Variants in ZNF665 observed in about 807,000 individuals in gnomAD.
ZNF665 encodes the protein zinc finger protein 665.
A neutral mutation model predicts 7.9 loss-of-function variants in ZNF665; 6 were observed. That is an observed-to-expected ratio of 0.76 (90% CI 0.42 to 1.50). The LOEUF (loss-of-function observed/expected upper bound fraction) is 1.50. Among genes scored for constraint, ZNF665 ranks in the 40% most tolerant of loss-of-function variants. The pLI, the probability that ZNF665 is intolerant of heterozygous loss-of-function variation, is 0.01. For missense variants in ZNF665, 819 were observed against 806.7 expected (o/e 1.02, Z -0.18); for synonymous variants, 242 against 274.5 (o/e 0.88, Z 1.17).
At position 53,164,133 on chromosome 19, in the gene ZNF665, C is replaced by CTTTTTTTT. The variant is rs35735454; in HGVS notation, c.*312_*319dup. On this transcript the variant is annotated 3_prime_UTR_variant, in exon 4 of 4. Transcript: ENST00000396424. ...CTGGCCGCACTCCTTTGTAAGGTTA[C>CTTTTTTTT]TTTTTTTTTTTTTTTTTTTTTGGAG... The CTTTTTTTT allele has an allele frequency of 1.9e-5, 2 of 104,642 alleles. No individual in the cohort carries two copies. The highest frequency in any genetic ancestry group is 3.3e-5 in the African/African-American group (1 of 30,354). The allele number at this position is 104,642 out of a possible 1,614,324, so 6.5% of individuals were successfully genotyped here. A position where few individuals can be genotyped will look rare whatever the true frequency, so the allele number is the denominator to read the frequency against.
chr19:53,183,170 C>G (rs1329808818), intron 1 of ZNF665, among the ~76,000 whole-genome samples: 1 of 152,080 alleles, frequency 6.6e-6, no homozygotes, highest in Non-Finnish European at 1.5e-5. Context: ...TCTTTAGAAC[C>G]CACTCCCCTC....
At chr19:53,170,700 C>T (rs748642968) in intron 3 of ZNF665, among the ~76,000 whole-genome samples, 1 of 152,158 alleles carries the variant, frequency 6.6e-6, no homozygotes, top group African/African-American at 2.4e-5. Flanking sequence ...TTTCATAACT[C>T]GACTATTGTG....
intron 1 of ZNF665, among the ~76,000 whole-genome samples, chr19:53,192,335 G>T (rs112158189): frequency 6.6e-6 from 1 of 151,736 alleles, no homozygotes; most frequent in Middle Eastern, 3.2e-3. Flanking sequence ...CTTGTCACCA[G>T]CTGCCCCTTC....
At position 53,166,235 on chromosome 19, in the gene ZNF665, G is replaced by A. The variant is rs748556331; in HGVS notation, c.255C>T (p.Gly85=). The A allele has an allele frequency of 1.9e-6, 3 of 1,613,952 alleles. No individual in the cohort carries two copies. The Admixed American group carries it at 5.0e-5, about 27-fold the overall frequency. ...TTTTCTGAACTTCCTGGAAGGACAA[G>A]CCTACAGTGTCACAGCTTTCAAGTC... The part of the protein sequence containing the change: ...LERLESCDTV[G]LSFQEVQKNT... Residue 85 remains glycine, a synonymous_variant, in exon 4 of 4, where the codon GGC becomes GGT. Coordinates refer to ENST00000396424, the MANE Select transcript of ZNF665 (RefSeq NM_024733.5).
At chr19:53,191,471 CAT>C (rs111383318) in intron 1 of ZNF665, among the ~76,000 whole-genome samples, 17 of 152,302 alleles carry the variant, frequency 1.1e-4, no homozygotes, top group South Asian at 4.1e-4. Flanking sequence ...ATAAAATGCA[CAT>C]GTCTTATAGA....
intron 2 of ZNF665, among the ~76,000 whole-genome samples, chr19:53,176,219 T>C (rs1444577393): frequency 1.3e-5 from 2 of 152,050 alleles, no homozygotes; most frequent in Non-Finnish European, 2.9e-5. Flanking sequence ...ACTTCCAGGC[T>C]CAATCTCCAA....
chr19:53,178,293 A>G (rs888597769), intron 2 of ZNF665, among the ~76,000 whole-genome samples: 1 of 152,222 alleles, frequency 6.6e-6, no homozygotes, highest in African/African-American at 2.4e-5. Context: ...CTCACGTTCT[A>G]CTGTGAATGA....
Position 53,165,550 on chromosome 19 carries a change from C to T in ZNF665, c.940G>A (p.Gly314Arg). The change falls in exon 4 of 4, where the codon GGG (glycine) becomes AGG (arginine). Residue 314 changes from glycine (G) to arginine (R), a missense_variant. By Grantham distance (125) the Gly-to-Arg change is moderately radical (BLOSUM62 -2). Transcript: ENST00000396424. The stretch of plus-strand genomic sequence containing the variant: ...TCATTACACTTGTAAGGCTTCTCCC[C>T]AGTATGAATTCTTCGATGACTTGCA... ...HLASHRRIHT[G>R]EKPYKCNECG... 1 of 1,614,130 alleles carries T rather than the reference C, an allele frequency of 6.2e-7. No homozygotes were observed. Among genetic ancestry groups the T allele is most frequent in the Non-Finnish European group, 8.5e-7 (1 of 1,180,030 alleles).
At position 53,164,934 on chromosome 19, in the gene ZNF665, C is replaced by T. The variant is rs1273934431; in HGVS notation, c.1556G>A (p.Cys519Tyr). The T allele has an allele frequency of 1.9e-6, 3 of 1,614,080 alleles. No homozygotes were observed. In the African/African-American group the frequency reaches 4.0e-5, roughly 22 times the overall value. Residue 519 changes from cysteine to tyrosine, a missense_variant, in exon 4 of 4, where the codon TGT becomes TAT. By Grantham distance (194) the Cys-to-Tyr change is radical (BLOSUM62 -2). Transcript: ENST00000396424. ...TGAATGAACACTAAAGGCTTTGCCA[C>T]ACTCATTACACTTGTAAGGTTTTTC... ...TGEKPYKCNE[C>Y]GKAFSVHSSL...
chr19:53,175,359 A>G, intron 3 of ZNF665, 86 bp downstream of exon 3: 1 of 1,517,210 alleles, frequency 6.6e-7, no homozygotes, highest in Non-Finnish European at 8.9e-7. Flanking sequence ...TCATCAAGCA[A>G]TGCAGGGGCT....
chr19:53,179,050 G>C (rs530675735), intron 2 of ZNF665, among the ~76,000 whole-genome samples: 32 of 152,248 alleles, frequency 2.1e-4, no homozygotes, highest in African/African-American at 7.2e-4. Context: ...AATTTGGGTA[G>C]AATCAAAAGA....
chr19:53,184,037 C>T (rs2090758373), intron 1 of ZNF665, among the ~76,000 whole-genome samples: 1 of 152,018 alleles, frequency 6.6e-6, no homozygotes, highest in South Asian at 2.1e-4. Context: ...ACTGCTTGAG[C>T]TCAGGAGTTT....
chr19:53,176,110 G>A (rs137993447), intron 2 of ZNF665, among the ~76,000 whole-genome samples: 2,176 of 152,196 alleles, frequency 0.014, 53 homozygotes, highest in African/African-American at 0.05. Flanking sequence ...GCAGTGAGCC[G>A]AGATCACAGC....
At chr19:53,167,248 G>A (rs1178868938) in intron 3 of ZNF665, among the ~76,000 whole-genome samples, 4 of 152,064 alleles carry the variant, frequency 2.6e-5, no homozygotes, top group Admixed American at 6.6e-5. Flanking sequence ...TGATCCCCCC[G>A]CCTCAGCCTC....
At chr19:53,185,162 CAG>C (rs1453907582) in intron 1 of ZNF665, among the ~76,000 whole-genome samples, 1 of 150,394 alleles carries the variant, frequency 6.6e-6, no homozygotes, top group Non-Finnish European at 1.5e-5. Context: ...GGTGGAGGAG[CAG>C]AGTCTTCTCT....
In ZNF665 at chr19:53,189,429, C is replaced by T. The variant is rs545810005; in HGVS notation, c.-46+3883G>A. On this transcript the variant is annotated intron_variant, in intron 1 of 3. Transcript: ENST00000396424. ...GGGGCAGGGTAAAGAGTGTGAGTCA[C>T]CTCCAATGATAGGTAAGGTCACGTG... 2.3e-3 allele frequency among the ~76,000 whole-genome samples: 343 copies of T among 149,014 alleles called. 1 individual carries two copies. Among genetic ancestry groups the T allele is most frequent in the African/African-American group, 7.9e-3 (316 of 40,122 alleles).
At chr19:53,182,579 T>C (rs931661737) in intron 2 of ZNF665, 1 of 714,786 alleles carries the variant, frequency 1.4e-6, no homozygotes, top group Admixed American at 2.0e-5. Context: ...TATATTCAAA[T>C]ATGTCCTGAA....
At chr19:53,177,181 A>C (rs1305032598) in intron 2 of ZNF665, among the ~76,000 whole-genome samples, 1 of 152,102 alleles carries the variant, frequency 6.6e-6, no homozygotes, top group Non-Finnish European at 1.5e-5. Flanking sequence ...ATATTCTCAC[A>C]CACTAAAATT....
chr19:53,184,110 T>C (rs1244342384), intron 1 of ZNF665, among the ~76,000 whole-genome samples: 2 of 151,588 alleles, frequency 1.3e-5, no homozygotes, highest in Non-Finnish European at 2.9e-5. Flanking sequence ...TTTAGTCAGG[T>C]GTGTTGGTAC....
Sources: gnomAD v4.1 joint callset for allele counts (sites outside exome capture counted in the v4.1 genomes callset) on GRCh38, gnomAD v4.1.1 for gene constraint, MANE v1.5 for transcripts, NCBI Gene and HGNC (gene_info 2026-07-23, HGNC 2026-07-21) for gene names.